PLCB1: variants seen among roughly 807,000 people sequenced by gnomAD.
PLCB1 encodes the protein phospholipase C beta 1.
In PLCB1, 46 loss-of-function variants were observed where a neutral mutation model predicts 161.8. The ratio of observed to expected loss-of-function variants is 0.28; its 90% CI spans 0.22 to 0.36. The LOEUF (loss-of-function observed/expected upper bound fraction) is 0.36. Among genes scored for constraint, PLCB1 ranks in the 10% least tolerant of loss-of-function variants. PLCB1 has a pLI of 1.00. For missense variants in PLCB1, 1,016 were observed against 1,472.5 expected (o/e 0.69, Z 5.07); for synonymous variants, 517 against 503.7 (o/e 1.03, Z -0.35).
chr20:8,134,068 C>T (rs1305422493), intron 1 of PLCB1, among the ~76,000 whole-genome samples: 1 of 152,220 alleles, frequency 6.6e-6, no homozygotes, highest in Non-Finnish European at 1.5e-5. Flanking sequence ...TTATTAAATG[C>T]TGTAGGCAAG....
intron 31 of PLCB1, among the ~76,000 whole-genome samples, chr20:8,817,184 ACT>A (rs1249235853): frequency 1.3e-5 from 2 of 152,202 alleles, no homozygotes; most frequent in Non-Finnish European, 2.9e-5. Context: ...TCCAATGAAA[ACT>A]CTGTATAACT....
At chr20:8,463,161 G>GTGTGTGTT (rs1981660728) in intron 3 of PLCB1, among the ~76,000 whole-genome samples, 1 of 151,180 alleles carries the variant, frequency 6.6e-6, no homozygotes, top group Non-Finnish European at 1.5e-5. Flanking sequence ...GTGTGTGTGT[G>GTGTGTGTT]TGTGTGTGTG....
At chr20:8,390,100 A>G (rs1025646866) in intron 3 of PLCB1, among the ~76,000 whole-genome samples, 2 of 152,216 alleles carry the variant, frequency 1.3e-5, no homozygotes, top group South Asian at 2.1e-4. Flanking sequence ...ACACCACGGT[A>G]CTTGTATCAG....
chr20:8,156,737 T>G (rs2051567418), intron 2 of PLCB1, among the ~76,000 whole-genome samples: 3 of 152,188 alleles, frequency 2.0e-5, no homozygotes, highest in African/African-American at 7.2e-5. Flanking sequence ...AATCAAAGCC[T>G]TGGTTTCATT....
intron 4 of PLCB1, 99 bp downstream of exon 4, chr20:8,628,530 C>T: frequency 7.9e-7 from 1 of 1,273,418 alleles, no homozygotes. Flanking sequence ...TCATATTTAG[C>T]ATGTGTTAAA....
At chr20:8,767,855 G>A (rs932535337) in intron 26 of PLCB1, among the ~76,000 whole-genome samples, 6 of 152,188 alleles carry the variant, frequency 3.9e-5, no homozygotes, top group Non-Finnish European at 7.3e-5. Context: ...CAATAAAAAT[G>A]TATTTTCTCA....
At chr20:8,203,175 C>T (rs373038948) in intron 2 of PLCB1, among the ~76,000 whole-genome samples, 2 of 151,906 alleles carry the variant, frequency 1.3e-5, no homozygotes, top group African/African-American at 4.8e-5. Context: ...GTAAAAATCA[C>T]TAGAGTTGAG....
At chr20:8,706,408 A>G (rs1978677494) in intron 11 of PLCB1, among the ~76,000 whole-genome samples, 1 of 152,160 alleles carries the variant, frequency 6.6e-6, no homozygotes, top group Admixed American at 6.5e-5. Flanking sequence ...TGGTTTTTGT[A>G]TCAGGATGAT....
intron 2 of PLCB1, among the ~76,000 whole-genome samples, chr20:8,330,659 C>G (rs1985332385): frequency 6.6e-6 from 1 of 152,222 alleles, no homozygotes; most frequent in South Asian, 2.1e-4. Context: ...TGATAGCATT[C>G]AAGGGATCCT....
At chr20:8,142,367 A>G (rs2051413278) in intron 1 of PLCB1, among the ~76,000 whole-genome samples, 1 of 151,828 alleles carries the variant, frequency 6.6e-6, no homozygotes, top group Non-Finnish European at 1.5e-5. Flanking sequence ...GTCCTAAGGG[A>G]CTCTGTGACC....
intron 2 of PLCB1, among the ~76,000 whole-genome samples, chr20:8,230,398 G>T (rs538608359): frequency 1.2e-4 from 18 of 151,868 alleles, no homozygotes; most frequent in East Asian, 1.9e-4. Context: ...ATCATTTTTT[G>T]TGTGTGTGTT....
chr20:8,871,208 T>C (rs1488758419), intron 31 of PLCB1, among the ~76,000 whole-genome samples: 1 of 152,238 alleles, frequency 6.6e-6, no homozygotes, highest in African/African-American at 2.4e-5. Context: ...TTAATTTTTA[T>C]ATATTAGAGC....
chr20:8,629,867 TTCTTTCTTTCTC>T (rs1480417092), intron 4 of PLCB1, among the ~76,000 whole-genome samples: 14 of 111,268 alleles, frequency 1.3e-4, no homozygotes, highest in African/African-American at 4.4e-4. Context: ...CTTTCTTTCT[TTCTTTCTTTCTC>T]TCTCTCTTTC....
intron 10 of PLCB1, among the ~76,000 whole-genome samples, chr20:8,687,615 T>C (rs1159909101): frequency 6.6e-6 from 1 of 152,208 alleles, no homozygotes; most frequent in Non-Finnish European, 1.5e-5. Flanking sequence ...GTTACTTCAC[T>C]TAGAAAAATC....
Position 8,390,228 on chromosome 20 carries a change from GT to G in PLCB1, c.246+18780del, listed in dbSNP as rs1193233594. ...AGTCTGAGACAAAAGTGCCAGCAGG[GT>G]TATTTTCTTTGGAGGCCTTTCTCCT... On this transcript the variant is annotated intron_variant, in intron 3 of 31. Transcript: ENST00000338037. 2.0e-5 allele frequency among the ~76,000 whole-genome samples: 3 copies of G among 152,246 alleles called. No individual in the cohort carries two copies. The East Asian group carries it at 5.8e-4, about 29-fold the overall frequency.
At chr20:8,593,423 G>C (rs554825072) in intron 3 of PLCB1, among the ~76,000 whole-genome samples, 32 of 152,104 alleles carry the variant, frequency 2.1e-4, no homozygotes, top group Non-Finnish European at 4.0e-4. Flanking sequence ...TCAACTCCTG[G>C]CTTCAAGCAA....
intron 3 of PLCB1, among the ~76,000 whole-genome samples, chr20:8,414,329 C>T (rs1332646595): frequency 1.3e-5 from 2 of 152,084 alleles, no homozygotes; most frequent in Non-Finnish European, 2.9e-5. Context: ...TTGCCCCACA[C>T]TATCTTCTAC....
At chr20:8,667,760 C>G (rs1248012152) in intron 9 of PLCB1, among the ~76,000 whole-genome samples, 2 of 152,174 alleles carry the variant, frequency 1.3e-5, no homozygotes, top group Non-Finnish European at 2.9e-5. Flanking sequence ...CCTCATCAAC[C>G]CCATAGTCTG....
intron 3 of PLCB1, among the ~76,000 whole-genome samples, chr20:8,618,774 T>A (rs959277919): frequency 1.8e-4 from 27 of 152,168 alleles, no homozygotes; most frequent in Non-Finnish European, 4.4e-5. Flanking sequence ...GGGGCTTATT[T>A]AAATGCAACT....
Sources: allele counts gnomAD v4.1 joint callset (sites outside exome capture counted in the v4.1 genomes callset), GRCh38; gene constraint gnomAD v4.1.1; transcripts MANE v1.5; gene names NCBI Gene and HGNC (gene_info 2026-07-23, HGNC 2026-07-21).